Variants in TCF4 observed in about 807,000 individuals in gnomAD.
TCF4 encodes the protein transcription factor 4.
In TCF4, 3 loss-of-function variants were observed where a neutral mutation model predicts 82.1. The ratio of observed to expected loss-of-function variants is 0.04; its 90% CI spans 0.02 to 0.09. TCF4 has a LOEUF of 0.09. Ranked by LOEUF, TCF4 falls within the 10% of genes least tolerant of loss-of-function variation. The pLI is 1.00. For synonymous variants in TCF4, 276 were observed against 309.6 expected (o/e 0.89, Z 1.14); for missense variants, 518 against 852.7 (o/e 0.61, Z 4.89).
intron 12 of TCF4, among the ~76,000 whole-genome samples, chr18:55,260,694 G>C (rs2145702917): frequency 6.6e-6 from 1 of 152,210 alleles, no homozygotes; most frequent in Non-Finnish European, 1.5e-5. Flanking sequence ...GAGTAGCTGG[G>C]ATTACAGGCA....
At chr18:55,260,237 G>A (rs1260397961) in intron 12 of TCF4, among the ~76,000 whole-genome samples, 1 of 152,192 alleles carries the variant, frequency 6.6e-6, no homozygotes, top group East Asian at 1.9e-4. Context: ...GGTATGGGAT[G>A]GTGGGAAAAG....
chr18:55,585,371 T>C lies in TCF4; in HGVS notation c.73-19A>G, dbSNP rs756232851. ...AAAACATCTAAAAGAAACAAAGAAA[T>C]ATTACAGTTGAAAAGAAGACACTTG... On this transcript the variant is annotated intron_variant, in intron 2 of 19. Coordinates refer to ENST00000354452, the MANE Select transcript of TCF4 (RefSeq NM_001083962.2). The C allele has an allele frequency of 6.2e-7, 1 of 1,610,260 alleles. No homozygotes were observed. Among genetic ancestry groups the C allele is most frequent in the Admixed American group, 1.7e-5 (1 of 60,008 alleles).
chr18:55,453,197 C>T (rs958697079), intron 5 of TCF4, among the ~76,000 whole-genome samples: 1 of 151,140 alleles, frequency 6.6e-6, no homozygotes, highest in Non-Finnish European at 1.5e-5. Context: ...TCACCCTTCC[C>T]CTTCTTTCTG....
intron 8 of TCF4, among the ~76,000 whole-genome samples, chr18:55,290,104 T>C (rs370321491): frequency 4.6e-5 from 7 of 152,348 alleles, no homozygotes; most frequent in African/African-American, 1.4e-4. Flanking sequence ...ACTTCTCTAA[T>C]GTGTTTAGGG....
chr18:55,451,002 A>G (rs2095611951), intron 5 of TCF4, among the ~76,000 whole-genome samples: 1 of 152,226 alleles, frequency 6.6e-6, no homozygotes, highest in Non-Finnish European at 1.5e-5. Context: ...ATCTGAATCC[A>G]ACACAGCTGT....
intron 6 of TCF4, among the ~76,000 whole-genome samples, chr18:55,395,439 G>T (rs2093430911): frequency 6.6e-6 from 1 of 152,116 alleles, no homozygotes; most frequent in Admixed American, 6.5e-5. Context: ...TTTCAATTTG[G>T]ATACTAGGAG....
At chr18:55,556,226 C>T (rs1021540265) in intron 3 of TCF4, among the ~76,000 whole-genome samples, 3 of 151,940 alleles carry the variant, frequency 2.0e-5, no homozygotes, top group African/African-American at 7.3e-5. Flanking sequence ...TCCAGAATAG[C>T]ATTTTTTTCC....
chr18:55,413,667 G>A (rs538305812), intron 5 of TCF4, among the ~76,000 whole-genome samples: 1 of 152,234 alleles, frequency 6.6e-6, no homozygotes, highest in South Asian at 2.1e-4. Flanking sequence ...AGAGAGGAAG[G>A]TGGGGAGCAC....
intron 5 of TCF4, among the ~76,000 whole-genome samples, chr18:55,419,511 T>C (rs996645881): frequency 3.9e-5 from 6 of 152,222 alleles, no homozygotes; most frequent in African/African-American, 1.4e-4. Flanking sequence ...TGGATTCAGA[T>C]CTTAATCATA....
rs1353905460 is a variant in TCF4, at chr18:55,437,305, C to T, written c.304+23714G>A. On this transcript the variant is annotated intron_variant, in intron 5 of 19. Transcript: ENST00000354452. ...AATCTACAGCAATGAAGGTTTCATT[C>T]ACAACATTATTATAGAAGCAAATCT... Among the ~76,000 whole-genome samples the T allele has an allele frequency of 2.0e-5, 3 of 152,116 alleles. No individual in the cohort carries two copies. In the East Asian group the frequency reaches 5.8e-4, roughly 29 times the overall value.
intron 9 of TCF4, among the ~76,000 whole-genome samples, chr18:55,278,554 A>ATTTG (rs141655767): frequency 2.7e-5 from 4 of 149,520 alleles, no homozygotes; most frequent in African/African-American, 5.0e-5. Context: ...TCATTTATTT[A>ATTTG]TTTGTTTGTT....
At position 55,360,721 on chromosome 18, in the gene TCF4, G is replaced by GC. The variant is rs1389258179; in HGVS notation, c.370-9719dup. ...TTTGGCCTTAAGCCATAATTTGCCC[G>GC]CCCCCCACCCTTTTTTTTTTTTTTT... On this transcript the variant is annotated intron_variant, in intron 6 of 19. Transcript: ENST00000354452. Among the ~76,000 whole-genome samples the GC allele has an allele frequency of 2.5e-3, 131 of 52,384 alleles. 2 individuals are homozygous for GC. The highest frequency in any genetic ancestry group is 2.6e-3 in the Admixed American group (8 of 3,072). 34.4% of individuals were successfully genotyped at this position (52,384 alleles called of 152,430 possible).
At chr18:55,394,351 G>A (rs991662581) in intron 6 of TCF4, among the ~76,000 whole-genome samples, 2 of 152,104 alleles carry the variant, frequency 1.3e-5, no homozygotes, top group South Asian at 2.1e-4. Flanking sequence ...TCCGAAGCAC[G>A]GAATTGTTAT....
At position 55,228,974 on chromosome 18, in the gene TCF4, G is replaced by A; in HGVS notation, c.1752C>T (p.Ile584=). ...GGCCGAGCTCTTTGAAAGCCTCGTT[G>A]ATGTCACGGACCCGCAGACGCTCTC... ...NARERLRVRD[I]NEAFKELGRM... Residue 584 remains isoleucine (I), a synonymous_variant, in exon 18 of 20, where the codon ATC becomes ATT. Coordinates refer to ENST00000354452, the MANE Select transcript of TCF4 (RefSeq NM_001083962.2). The A allele has an allele frequency of 1.2e-6, 2 of 1,614,166 alleles. No individual in the cohort carries two copies. Among genetic ancestry groups the A allele is most frequent in the Middle Eastern group, 3.3e-4 (2 of 6,062 alleles).
In TCF4 at chr18:55,412,880, G is replaced by C. The variant is rs147708501; in HGVS notation, c.305-9362C>G. The stretch of plus-strand genomic sequence containing the variant: ...AGTCTTAGCAACAGTCAATGTAAAA[G>C]ATAAAAATGATACAACTCTAAATAA... On this transcript the variant is annotated intron_variant, in intron 5 of 19. Coordinates refer to ENST00000354452, the MANE Select transcript of TCF4 (RefSeq NM_001083962.2). Among the ~76,000 whole-genome samples the C allele has an allele frequency of 3.3e-3, 495 of 152,250 alleles. 3 individuals carry two copies. The highest frequency in any genetic ancestry group is 0.011 in the African/African-American group (464 of 41,552).
chr18:55,628,046 C>T (rs1330779682), intron 2 of TCF4, among the ~76,000 whole-genome samples: 9 of 152,050 alleles, frequency 5.9e-5, no homozygotes, highest in African/African-American at 2.2e-4. Flanking sequence ...TGCGACAGAG[C>T]GAGACTGTCT....
intron 3 of TCF4, among the ~76,000 whole-genome samples, chr18:55,508,117 A>C (rs2096784039): frequency 6.6e-6 from 1 of 152,092 alleles, no homozygotes; most frequent in African/African-American, 2.4e-5. Flanking sequence ...TACCCCCAAC[A>C]CACACAATAT....
intron 9 of TCF4, among the ~76,000 whole-genome samples, chr18:55,276,371 G>C (rs2061501055): frequency 6.6e-6 from 1 of 152,012 alleles, no homozygotes; most frequent in African/African-American, 2.4e-5. Flanking sequence ...ACCTTCAGTA[G>C]CAATCCAAAG....
intron 3 of TCF4, among the ~76,000 whole-genome samples, chr18:55,519,580 T>C (rs2096916449): frequency 6.6e-6 from 1 of 152,150 alleles, no homozygotes; most frequent in Non-Finnish European, 1.5e-5. Flanking sequence ...ATAAAAATAA[T>C]TATTTCAGAG....
Sources: allele counts gnomAD v4.1 joint callset (sites outside exome capture counted in the v4.1 genomes callset), GRCh38; gene constraint gnomAD v4.1.1; transcripts MANE v1.5; gene names NCBI Gene and HGNC (gene_info 2026-07-23, HGNC 2026-07-21).